Variants in OTUD7B observed in about 807,000 individuals in gnomAD.
The protein encoded by OTUD7B is OTU deubiquitinase 7B, also known as OTU domain-containing protein 7B.
A neutral mutation model predicts 82.2 loss-of-function variants in OTUD7B; 34 were observed. That is an observed-to-expected ratio of 0.41 (90% CI 0.31 to 0.55). The LOEUF (loss-of-function observed/expected upper bound fraction) is 0.55. OTUD7B is among the 20% of genes least tolerant of loss of function. OTUD7B has a pLI of 0.20. For missense variants in OTUD7B, 944 were observed against 1,062.1 expected (o/e 0.89, Z 1.55); for synonymous variants, 398 against 402.7 (o/e 0.99, Z 0.14).
At chr1:150,061,170 G>A in the OTUD7B span, among the ~76,000 whole-genome samples, 6 of 152,172 alleles carry the variant, frequency 3.9e-5, no homozygotes, top group African/African-American at 9.7e-5. Context: ...GATTATAGGC[G>A]TAAGCCACTG....
At chr1:149,957,512 G>A (rs587694337) in intron 7 of OTUD7B, among the ~76,000 whole-genome samples, 34 of 152,320 alleles carry the variant, frequency 2.2e-4, no homozygotes, top group South Asian at 2.1e-3. Context: ...CAGTCTGTCC[G>A]TTCTCAGATC....
chr1:150,052,246 C>T, the OTUD7B span, among the ~76,000 whole-genome samples: 20 of 152,130 alleles, frequency 1.3e-4, no homozygotes, highest in African/African-American at 4.1e-4. Context: ...TGTTTGCAGA[C>T]GACATGATTC....
intron 3 of OTUD7B, among the ~76,000 whole-genome samples, chr1:149,970,655 C>A (rs189322746): frequency 6.6e-6 from 1 of 152,034 alleles, no homozygotes; most frequent in Non-Finnish European, 1.5e-5. Context: ...TGTGCACATA[C>A]ACATATATGA....
intron 7 of OTUD7B, among the ~76,000 whole-genome samples, chr1:149,959,483 G>A (rs1328861675): frequency 6.6e-6 from 1 of 152,052 alleles, no homozygotes; most frequent in Non-Finnish European, 1.5e-5. Context: ...AGTCTAGATG[G>A]GCTACTTTAT....
At chr1:150,035,854 CACA>C in the OTUD7B span, among the ~76,000 whole-genome samples, 2 of 152,068 alleles carry the variant, frequency 1.3e-5, no homozygotes, top group Non-Finnish European at 2.9e-5. Flanking sequence ...TTAATGACAT[CACA>C]ACTGCCTCTC....
chr1:149,989,736 T>TAA lies in OTUD7B; in HGVS notation c.-66-12162_-66-12161dup, dbSNP rs75348315. Among the ~76,000 whole-genome samples the TAA allele has an allele frequency of 9.5e-4, 98 of 102,940 alleles. 1 individual carries two copies. The highest frequency in any genetic ancestry group is 2.2e-3 in the East Asian group (7 of 3,162). The allele number at this position is 102,940 out of a possible 152,430, so 67.5% of individuals were successfully genotyped here. ...CCTGGGTGACAGGGTGAGACCCTGT[T>TAA]AAAAAAAAAAAGAAGAAGAAGAAGG... On this transcript the variant is annotated intron_variant, in intron 1 of 11. Transcript: ENST00000581312.
At chr1:149,958,704 CTTAA>C (rs1181546409) in intron 7 of OTUD7B, among the ~76,000 whole-genome samples, 1 of 151,652 alleles carries the variant, frequency 6.6e-6, no homozygotes, top group African/African-American at 2.4e-5. Flanking sequence ...TTCACATTTC[CTTAA>C]TTGTCTTATG....
At chr1:150,013,135 A>G (rs1653149833), upstream of OTUD7B, among the ~76,000 whole-genome samples, 1 of 152,226 alleles carries the variant, frequency 6.6e-6, no homozygotes, top group Non-Finnish European at 1.5e-5. Flanking sequence ...GAAAAAAGGT[A>G]AAAGCACCAG....
chr1:150,006,576 T>TA (rs11355336), intron 1 of OTUD7B, among the ~76,000 whole-genome samples: 38 of 152,064 alleles, frequency 2.5e-4, no homozygotes, highest in Non-Finnish European at 3.7e-4. Context: ...GGTATAATCC[T>TA]AAAAAAAACA....
At chr1:150,039,120 T>C in the OTUD7B span, among the ~76,000 whole-genome samples, 5,160 of 152,276 alleles carry the variant, frequency 0.034, 107 homozygotes, top group Non-Finnish European at 0.047. Flanking sequence ...CTTTCTAATA[T>C]CTAATAGAGC....
chr1:149,973,186 T>G (rs1258505163), intron 2 of OTUD7B, among the ~76,000 whole-genome samples: 1 of 152,246 alleles, frequency 6.6e-6, no homozygotes, highest in Non-Finnish European at 1.5e-5. Context: ...GCTCCTAATC[T>G]CTTTCCTTTC....
the OTUD7B span, among the ~76,000 whole-genome samples, chr1:150,050,957 G>A: frequency 2.6e-5 from 4 of 151,022 alleles, no homozygotes; most frequent in African/African-American, 9.7e-5. Context: ...GGCTGGGTGC[G>A]GTGGCTCACG....
rs1254787810 is a variant in OTUD7B, at chr1:149,957,328, C to T, written c.845+2356G>A. ...CCAGACCCTGTTTGCCTGGGTATCA[C>T]CAGTGGAGGCTGCAGAACAGCAAAT... On this transcript the variant is annotated intron_variant, in intron 7 of 11. Coordinates refer to ENST00000581312, the MANE Select transcript of OTUD7B (RefSeq NM_020205.4). 1.3e-5 allele frequency among the ~76,000 whole-genome samples: 2 copies of T among 151,666 alleles called. 1 individual carries two copies. The highest frequency in any genetic ancestry group is 4.9e-5 in the African/African-American group (2 of 40,938).
intron 1 of OTUD7B, among the ~76,000 whole-genome samples, chr1:149,979,331 C>G (rs1312402420): frequency 5.3e-5 from 8 of 152,126 alleles, no homozygotes; most frequent in African/African-American, 1.9e-4. Flanking sequence ...GGGACATCAA[C>G]CATGCTGTCA....
At chr1:150,050,230 A>C in the OTUD7B span, among the ~76,000 whole-genome samples, 3 of 152,116 alleles carry the variant, frequency 2.0e-5, no homozygotes, top group Non-Finnish European at 4.4e-5. Context: ...AAATATTACA[A>C]TTTTTGCCAA....
chr1:149,948,313 T>C (rs1553772585), intron 10 of OTUD7B, among the ~76,000 whole-genome samples: 3 of 151,966 alleles, frequency 2.0e-5, no homozygotes, highest in African/African-American at 7.3e-5. Flanking sequence ...CTTGATCAAC[T>C]CTTTAAAACT....
chr1:150,067,521 T>C, the OTUD7B span: 2 of 304,244 alleles, frequency 6.6e-6, no homozygotes, highest in Non-Finnish European at 1.2e-5. Flanking sequence ...CTCCACTCTC[T>C]TGGGCTTCAG....
intron 2 of OTUD7B, among the ~76,000 whole-genome samples, chr1:149,977,058 C>T (rs2198194): frequency 0.12 from 18,049 of 152,060 alleles, 1,675 homozygotes; most frequent in African/African-American, 0.26. Context: ...GAGGCAGAGA[C>T]TGCAGTGAGC....
chr1:150,038,395 T>A, the OTUD7B span, among the ~76,000 whole-genome samples: 1 of 152,084 alleles, frequency 6.6e-6, no homozygotes, highest in Admixed American at 6.5e-5. Flanking sequence ...TTATTTATTT[T>A]TACTTTTTTG....
Sources: gnomAD v4.1 joint callset for allele counts (sites outside exome capture counted in the v4.1 genomes callset) on GRCh38, gnomAD v4.1.1 for gene constraint, MANE v1.5 for transcripts, NCBI Gene and HGNC (gene_info 2026-07-23, HGNC 2026-07-21) for gene names.